CLVS1: variants seen among roughly 807,000 people sequenced by gnomAD.
CLVS1 encodes clavesin 1, also known as clavesin-1.
Under a neutral mutation model 33.1 loss-of-function variants are expected in CLVS1, and 10 were observed. That is an observed-to-expected ratio of 0.30 (90% CI 0.19 to 0.51). CLVS1 has a LOEUF of 0.51. CLVS1 is among the 20% of genes least tolerant of loss of function. The pLI is 0.97. For missense variants in CLVS1, 343 were observed against 433.4 expected (o/e 0.79, Z 1.85); for synonymous variants, 163 against 166.1 (o/e 0.98, Z 0.14).
chr8:61,488,583 A>G (rs578253350), intron 5 of CLVS1, among the ~76,000 whole-genome samples: 5 of 152,298 alleles, frequency 3.3e-5, no homozygotes, highest in African/African-American at 1.2e-4. Context: ...ATGATACTCT[A>G]GGAAGTGTTG....
chr8:60,995,954 T>C, the CLVS1 span, among the ~76,000 whole-genome samples: 1 of 152,264 alleles, frequency 6.6e-6, no homozygotes, highest in East Asian at 1.9e-4. Flanking sequence ...TAGGTGGGAA[T>C]TGAACAATGA....
At chr8:60,969,140 A>G in the CLVS1 span, among the ~76,000 whole-genome samples, 52 of 152,210 alleles carry the variant, frequency 3.4e-4, no homozygotes, top group African/African-American at 1.2e-3. Flanking sequence ...TCCAGCCAGA[A>G]CCAGTCTATA....
intron 2 of CLVS1, among the ~76,000 whole-genome samples, chr8:61,325,319 G>T (rs551125251): frequency 6.6e-6 from 1 of 152,072 alleles, no homozygotes; most frequent in African/African-American, 2.4e-5. Context: ...ATTATCATCT[G>T]TACACCTTTA....
At chr8:60,982,601 GT>G in the CLVS1 span, among the ~76,000 whole-genome samples, 1 of 152,136 alleles carries the variant, frequency 6.6e-6, no homozygotes, top group African/African-American at 2.4e-5. Flanking sequence ...CTTGCCTATT[GT>G]CACCACTGCC....
chr8:61,363,152 T>A (rs1379008818), intron 2 of CLVS1, among the ~76,000 whole-genome samples: 1 of 152,208 alleles, frequency 6.6e-6, no homozygotes, highest in Non-Finnish European at 1.5e-5. Context: ...TTCTAAGCAG[T>A]CTTCTCAAGG....
At chr8:61,347,642 A>T (rs1420885266) in intron 2 of CLVS1, among the ~76,000 whole-genome samples, 6 of 34,746 alleles carry the variant, frequency 1.7e-4, no homozygotes. Flanking sequence ...ATATATATAT[A>T]TATATATATA....
rs142341757 is a variant in CLVS1 at position 61,429,531 on chromosome 8, A to G, written c.631-24610A>G. Among the ~76,000 whole-genome samples, 955 of 151,946 alleles carry G rather than the reference A, an allele frequency of 6.3e-3. 15 individuals carry two copies. The highest frequency in any genetic ancestry group is 0.022 in the African/African-American group (897 of 41,410). On this transcript the variant is annotated intron_variant, in intron 3 of 5. Transcript: ENST00000325897. ...CTGCAATATTGGCATTAATTCATTC[A>G]TGATGGCAGAGTCCTCCAGATCTAA...
intron 3 of CLVS1, among the ~76,000 whole-genome samples, chr8:61,405,494 C>G (rs911197845): frequency 1.3e-5 from 2 of 152,068 alleles, no homozygotes; most frequent in African/African-American, 4.8e-5. Context: ...TGTATTCTGG[C>G]CAGGTGCAGC....
At chr8:61,001,599 T>A in the CLVS1 span, among the ~76,000 whole-genome samples, 52 of 152,350 alleles carry the variant, frequency 3.4e-4, 1 homozygote, top group Middle Eastern at 3.4e-3. Context: ...AAATGACAAA[T>A]CCTTGTCTTA....
intron 1 of CLVS1, among the ~76,000 whole-genome samples, chr8:61,068,455 C>G (rs1038343170): frequency 2.6e-5 from 4 of 151,862 alleles, no homozygotes; most frequent in African/African-American, 9.7e-5. Flanking sequence ...GAACCTCTAA[C>G]TGGTGGCCCT....
intron 2 of CLVS1, among the ~76,000 whole-genome samples, chr8:61,156,204 G>A (rs1359425870): frequency 1.0e-5 from 1 of 98,778 alleles, no homozygotes; most frequent in African/African-American, 4.1e-5. Context: ...TACAGAGAGA[G>A]ATTCCATCTC....
chr8:61,174,924 A>G lies in CLVS1; in HGVS notation c.-152+43064A>G, dbSNP rs1346035673. ...TCAAAAGGTCTTCTATTTTCTGTCT[A>G]TAAGAGCTGTTTGTTGTTAACCTAA... is the stretch of plus-strand genomic sequence containing the variant. On this transcript the variant is annotated intron_variant, in intron 2 of 2. Coordinates refer to the CLVS1 transcript ENST00000522621. 3.3e-5 allele frequency among the ~76,000 whole-genome samples: 5 copies of G among 152,168 alleles called. No individual in the cohort carries two copies. In the East Asian group the frequency reaches 9.6e-4, roughly 29 times the overall value.
intron 2 of CLVS1, among the ~76,000 whole-genome samples, chr8:61,271,223 C>G (rs1415140300): frequency 2.0e-5 from 3 of 149,608 alleles, no homozygotes; most frequent in Admixed American, 6.6e-5. Context: ...TGTCTTTGTT[C>G]TTGTTGGTTT....
At chr8:61,092,363 C>T (rs763880610) in intron 1 of CLVS1, among the ~76,000 whole-genome samples, 3 of 152,198 alleles carry the variant, frequency 2.0e-5, no homozygotes, top group Admixed American at 2.0e-4. Flanking sequence ...ACTCTGCTTC[C>T]ACACTCAGTG....
intron 3 of CLVS1, among the ~76,000 whole-genome samples, chr8:61,413,196 G>A (rs1362597111): frequency 1.3e-5 from 2 of 152,112 alleles, no homozygotes; most frequent in African/African-American, 4.8e-5. Flanking sequence ...TCCCATTTGA[G>A]TTCTATTTGA....
chr8:61,383,738 A>G (rs1051824272), intron 3 of CLVS1, among the ~76,000 whole-genome samples: 1 of 152,210 alleles, frequency 6.6e-6, no homozygotes, highest in Non-Finnish European at 1.5e-5. Flanking sequence ...GCCCATTTTA[A>G]ATAGTGCCAT....
chr8:61,491,658 G>T (rs1394238963), intron 5 of CLVS1, among the ~76,000 whole-genome samples: 1 of 152,164 alleles, frequency 6.6e-6, no homozygotes, highest in Non-Finnish European at 1.5e-5. Context: ...AGCTAAGAAT[G>T]CTAACTGTTC....
At chr8:61,282,143 T>C (rs1809682452) in intron 2 of CLVS1, among the ~76,000 whole-genome samples, 1 of 152,196 alleles carries the variant, frequency 6.6e-6, no homozygotes, top group East Asian at 1.9e-4. Flanking sequence ...GGACTACTCT[T>C]CACCTGATAA....
rs183868208 is a variant in CLVS1 at position 61,452,656 on chromosome 8, G to T, written c.631-1485G>T. ...CAATTAGTTTTGGAATAGCAAGTTA[G>T]TGTAAATGATCTCTCTAGCCCTACA... is the stretch of plus-strand genomic sequence containing the variant. On this transcript the variant is annotated intron_variant, in intron 3 of 5. Transcript: ENST00000325897. Among the ~76,000 whole-genome samples, 657 of 152,302 alleles carry T rather than the reference G, an allele frequency of 4.3e-3. 6 individuals are homozygous for T. Among genetic ancestry groups the T allele is most frequent in the Non-Finnish European group, 6.9e-3 (472 of 68,030 alleles).
Sources: allele counts gnomAD v4.1 joint callset (sites outside exome capture counted in the v4.1 genomes callset), GRCh38; gene constraint gnomAD v4.1.1; transcripts MANE v1.5; gene names NCBI Gene and HGNC (gene_info 2026-07-23, HGNC 2026-07-21).